CTNNA3: variants seen among roughly 807,000 people sequenced by gnomAD.
CTNNA3 encodes catenin alpha-3.
A neutral mutation model predicts 95.7 loss-of-function variants in CTNNA3; 76 were observed. The ratio of observed to expected loss-of-function variants is 0.79; its 90% CI spans 0.66 to 0.96. CTNNA3 has a LOEUF of 0.96. Ranked by LOEUF, CTNNA3 falls within the 40% of genes least tolerant of loss-of-function variation. The pLI is 0.00. For synonymous variants in CTNNA3, 431 were observed against 374.4 expected (o/e 1.15, Z -1.74); for missense variants, 1,191 against 1,089.8 (o/e 1.09, Z -1.31).
chr10:67,643,882 C>T (rs1162414763), intron 2 of CTNNA3, among the ~76,000 whole-genome samples: 1 of 152,156 alleles, frequency 6.6e-6, no homozygotes, highest in African/African-American at 2.4e-5. Flanking sequence ...TTTATGGCTG[C>T]ATAGTATTCA....
intron 7 of CTNNA3, among the ~76,000 whole-genome samples, chr10:66,910,175 G>A (rs1268472401): frequency 6.6e-6 from 1 of 152,128 alleles, no homozygotes. Flanking sequence ...CATAAACAGT[G>A]ATTTAAAGTC....
At chr10:66,241,165 AC>A (rs200504261) in intron 13 of CTNNA3, among the ~76,000 whole-genome samples, 3 of 148,598 alleles carry the variant, frequency 2.0e-5, no homozygotes, top group Non-Finnish European at 4.5e-5. Context: ...TTAAAAAAAA[AC>A]AAAATAAATG....
intron 12 of CTNNA3, among the ~76,000 whole-genome samples, chr10:66,344,799 G>C (rs2092490281): frequency 6.6e-6 from 1 of 152,038 alleles, no homozygotes; most frequent in South Asian, 2.1e-4. Context: ...TAGAAAGCCA[G>C]TTGGTATAAA....
chr10:67,160,543 T>A (rs1282802947), intron 7 of CTNNA3, among the ~76,000 whole-genome samples: 2 of 146,056 alleles, frequency 1.4e-5, no homozygotes, highest in Non-Finnish European at 3.0e-5. Context: ...GCTCAAACAA[T>A]CCTCCCACCT....
chr10:67,593,196 C>T (rs375338561), intron 3 of CTNNA3, among the ~76,000 whole-genome samples: 4 of 152,264 alleles, frequency 2.6e-5, no homozygotes, highest in Non-Finnish European at 4.4e-5. Context: ...ATACATGGTA[C>T]ATTTTCTTTA....
chr10:67,121,978 G>A (rs1198779695), intron 7 of CTNNA3, among the ~76,000 whole-genome samples: 1 of 73,448 alleles, frequency 1.4e-5, no homozygotes, highest in Non-Finnish European at 2.4e-5. Flanking sequence ...ACATTATTCT[G>A]AGCAAAAAAA....
intron 7 of CTNNA3, among the ~76,000 whole-genome samples, chr10:66,789,574 T>G (rs1300766129): frequency 1.3e-5 from 2 of 152,188 alleles, no homozygotes; most frequent in Non-Finnish European, 2.9e-5. Flanking sequence ...CTGTTACTCC[T>G]GCTAAATCAA....
intron 9 of CTNNA3, among the ~76,000 whole-genome samples, chr10:66,732,622 C>T (rs572373173): frequency 3.9e-5 from 6 of 152,102 alleles, no homozygotes; most frequent in South Asian, 2.1e-4. Context: ...CATCAGATCT[C>T]GTGAGAATTC....
At chr10:66,988,775 CTACT>C (rs1202244135) in intron 7 of CTNNA3, among the ~76,000 whole-genome samples, 3 of 151,930 alleles carry the variant, frequency 2.0e-5, no homozygotes, top group Non-Finnish European at 4.4e-5. Context: ...AATTTTTTTC[CTACT>C]TATTCTCATT....
intron 5 of CTNNA3, among the ~76,000 whole-genome samples, chr10:67,440,105 C>G: frequency 6.6e-6 from 1 of 152,178 alleles, no homozygotes; most frequent in East Asian, 1.9e-4. Flanking sequence ...AGGGAGCCCA[C>G]ATCCCTTAAG....
intron 12 of CTNNA3, among the ~76,000 whole-genome samples, chr10:66,299,223 G>A (rs1322125029): frequency 1.3e-5 from 2 of 152,102 alleles, no homozygotes; most frequent in African/African-American, 4.8e-5. Flanking sequence ...CATCTTAGAT[G>A]CATGTCATTA....
chr10:66,658,226 T>TTCTCTCTCTCTCTCTATCTCCCCCTCCC (rs1846135810), intron 9 of CTNNA3, among the ~76,000 whole-genome samples: 1 of 148,784 alleles, frequency 6.7e-6, no homozygotes, highest in African/African-American at 2.5e-5. Flanking sequence ...CTCTCTCTCT[T>TTCTCTCTCTCTCTCTATCTCCCCCTCCC]TCTCTCTCTC....
At chr10:67,443,238 G>T (rs1450395889) in intron 5 of CTNNA3, among the ~76,000 whole-genome samples, 17 of 151,272 alleles carry the variant, frequency 1.1e-4, no homozygotes, top group African/African-American at 3.4e-4. Flanking sequence ...CTATTGTGAA[G>T]AGTGCCGCAA....
At chr10:67,563,045 A>C (rs1024340709) in intron 3 of CTNNA3, among the ~76,000 whole-genome samples, 1 of 152,026 alleles carries the variant, frequency 6.6e-6, no homozygotes, top group Non-Finnish European at 1.5e-5. Context: ...AATCAATATC[A>C]TGAAAATGGC....
At chr10:67,565,711 G>T (rs1331386888) in intron 3 of CTNNA3, among the ~76,000 whole-genome samples, 1 of 150,332 alleles carries the variant, frequency 6.7e-6, no homozygotes. Context: ...ACAGATGTTG[G>T]CGAGGATGTG....
chr10:66,321,740 A>AT (rs2092189233), intron 12 of CTNNA3, among the ~76,000 whole-genome samples: 1 of 152,144 alleles, frequency 6.6e-6, no homozygotes, highest in African/African-American at 2.4e-5. Flanking sequence ...TGTGTTTACA[A>AT]TAAACTTTAA....
chr10:65,965,530 G>A (rs1407964578), intron 17 of CTNNA3, among the ~76,000 whole-genome samples: 2 of 149,760 alleles, frequency 1.3e-5, no homozygotes, highest in East Asian at 2.0e-4. Context: ...TCAGACTACT[G>A]AGTAGCTGAG....
intron 7 of CTNNA3, among the ~76,000 whole-genome samples, chr10:66,779,460 G>T (rs1840444941): frequency 6.6e-6 from 1 of 151,964 alleles, no homozygotes; most frequent in African/African-American, 2.4e-5. Context: ...GGGTTCAAGT[G>T]ATTCTCCTGC....
At position 66,233,824 on chromosome 10, in the gene CTNNA3, TA is replaced by T. The variant is rs572169561; in HGVS notation, c.1884+46645del. On this transcript the variant is annotated intron_variant, in intron 13 of 17. Transcript: ENST00000433211. The stretch of plus-strand genomic sequence containing the variant: ...CTTCTCCCAGGTGGAATTGAAAATG[TA>T]CTTAAATGTGTGTTAAAGCACATGT... Among the ~76,000 whole-genome samples the T allele has an allele frequency of 7.6e-4, 116 of 152,316 alleles. 1 individual carries two copies. Among genetic ancestry groups the T allele is most frequent in the South Asian group, 5.4e-3 (26 of 4,828 alleles).
Sources: allele counts gnomAD v4.1 joint callset (sites outside exome capture counted in the v4.1 genomes callset), GRCh38; gene constraint gnomAD v4.1.1; transcripts MANE v1.5; gene names NCBI Gene and HGNC (gene_info 2026-07-23, HGNC 2026-07-21).